Variants in HAPLN1 observed in about 807,000 individuals in gnomAD.
The protein encoded by HAPLN1 is hyaluronan and proteoglycan link protein 1.
In HAPLN1, 13 loss-of-function variants were observed where a neutral mutation model predicts 36.5. The ratio of observed to expected loss-of-function variants is 0.36; its 90% CI spans 0.23 to 0.57. The LOEUF is 0.57. HAPLN1 is among the 20% of genes least tolerant of loss of function. HAPLN1 has a pLI of 0.83. For synonymous variants in HAPLN1, 202 were observed against 169.8 expected, an observed-to-expected ratio of 1.19 and a Z score of -1.48; for missense variants, 407 against 439.7, an observed-to-expected ratio of 0.93 and a Z score of 0.66.
intron 2 of HAPLN1, among the ~76,000 whole-genome samples, chr5:83,661,211 T>G (rs969169112): frequency 5.9e-5 from 9 of 152,074 alleles, no homozygotes; most frequent in African/African-American, 1.9e-4. Context: ...TATATCTATA[T>G]CTATATCTAT....
At chr5:83,677,609 A>T (rs551525805) in intron 1 of HAPLN1, among the ~76,000 whole-genome samples, 12 of 152,286 alleles carry the variant, frequency 7.9e-5, no homozygotes, top group Middle Eastern at 3.4e-3. Flanking sequence ...AAACTGAGAA[A>T]AATCATAGAC....
intron 3 of HAPLN1, among the ~76,000 whole-genome samples, chr5:83,650,632 C>CTTTTTTT (rs5869195): frequency 1.9e-5 from 2 of 103,764 alleles, no homozygotes; most frequent in Non-Finnish European, 1.8e-5. Flanking sequence ...AAATTCTTTT[C>CTTTTTTT]TTTTTTTTTT....
At position 83,696,973 on chromosome 5, in the gene HAPLN1, C is replaced by A. The variant is rs539946044; in HGVS notation, c.-26-23424G>T. 4.1e-4 allele frequency among the ~76,000 whole-genome samples: 62 copies of A among 152,168 alleles called. No individual in the cohort carries two copies. The Middle Eastern group carries it at 0.017, about 42-fold the overall frequency. On this transcript the variant is annotated intron_variant, in intron 1 of 4. Coordinates refer to ENST00000274341, the MANE Select transcript of HAPLN1 (RefSeq NM_001884.4). ...TAGTACATTCCTCAAGTTGTGCAAC[C>A]ATTACCACTACCTGTTTCCAGAACA...
At chr5:83,696,711 T>A (rs970119414) in intron 1 of HAPLN1, among the ~76,000 whole-genome samples, 4 of 152,116 alleles carry the variant, frequency 2.6e-5, no homozygotes, top group Non-Finnish European at 4.4e-5. Flanking sequence ...TTTAAATATA[T>A]ACATTTGATA....
chr5:83,642,231 T>TA (rs576205674), intron 4 of HAPLN1, among the ~76,000 whole-genome samples: 7 of 151,570 alleles, frequency 4.6e-5, no homozygotes, highest in East Asian at 1.9e-4. Context: ...AAAGTCCATT[T>TA]AAAAAAAAAT....
At chr5:83,712,595 C>T (rs1379307413) in intron 1 of HAPLN1, among the ~76,000 whole-genome samples, 1 of 151,802 alleles carries the variant, frequency 6.6e-6, no homozygotes, top group African/African-American at 2.4e-5. Context: ...CTAGTAAAAT[C>T]TGTGACTTTT....
intron 1 of HAPLN1, among the ~76,000 whole-genome samples, chr5:83,687,552 C>T (rs1449785453): frequency 6.6e-6 from 1 of 152,198 alleles, no homozygotes; most frequent in African/African-American, 2.4e-5. Context: ...CTCTTTAAAT[C>T]TGAATCTCAG....
chr5:83,644,550 G>A lies in HAPLN1; in HGVS notation c.588C>T (p.Asp196=), dbSNP rs148966419. The change falls in exon 4 of 5, where the codon GAC becomes GAT. Residue 196 remains aspartate, a synonymous_variant. Coordinates refer to ENST00000274341, the MANE Select transcript of HAPLN1 (RefSeq NM_001884.4). ...AVIASFDQLY[D]AWRGGLDWCN... The stretch of plus-strand genomic sequence containing the variant: ...ACCAGTCCAGCCCGCCCCGCCAGGC[G>A]TCGTACAGCTGGTCGAAGGAGGCGA... 2.0e-3 allele frequency: 3,225 copies of A among 1,604,844 alleles called. 5 individuals are homozygous for A. Among genetic ancestry groups the A allele is most frequent in the Non-Finnish European group, 2.4e-3 (2,792 of 1,175,914 alleles).
At chr5:83,716,531 A>T (rs1204257698) in intron 1 of HAPLN1, among the ~76,000 whole-genome samples, 1 of 152,224 alleles carries the variant, frequency 6.6e-6, no homozygotes, top group East Asian at 1.9e-4. Flanking sequence ...GCTATCTCTG[A>T]GACACATAGC....
intron 1 of HAPLN1, among the ~76,000 whole-genome samples, chr5:83,699,899 G>C (rs1465473666): frequency 6.6e-6 from 1 of 152,068 alleles, no homozygotes; most frequent in Non-Finnish European, 1.5e-5. Context: ...CTGGTAAACT[G>C]AAACAATTGT....
intron 2 of HAPLN1, among the ~76,000 whole-genome samples, chr5:83,656,834 T>A (rs940509094): frequency 6.6e-6 from 1 of 152,110 alleles, no homozygotes; most frequent in Non-Finnish European, 1.5e-5. Flanking sequence ...CATCATTTAG[T>A]TTCACCAAAT....
At chr5:83,717,272 C>T (rs1223539841) in intron 1 of HAPLN1, among the ~76,000 whole-genome samples, 2 of 152,070 alleles carry the variant, frequency 1.3e-5, no homozygotes, top group Non-Finnish European at 2.9e-5. Flanking sequence ...ATGCTAATTC[C>T]AAACAGTACC....
intron 1 of HAPLN1, among the ~76,000 whole-genome samples, chr5:83,694,088 G>A (rs1396285441): frequency 1.3e-5 from 2 of 151,852 alleles, no homozygotes; most frequent in Admixed American, 6.6e-5. Flanking sequence ...ATTTACGTGA[G>A]GCAAAATATA....
At chr5:83,715,466 A>G (rs1751896453) in intron 1 of HAPLN1, among the ~76,000 whole-genome samples, 1 of 152,216 alleles carries the variant, frequency 6.6e-6, no homozygotes, top group South Asian at 2.1e-4. Context: ...GGCAAATTTT[A>G]CTAGTGATTC....
chr5:83,646,579 C>G (rs191546994), intron 3 of HAPLN1, among the ~76,000 whole-genome samples: 1 of 152,132 alleles, frequency 6.6e-6, no homozygotes, highest in Non-Finnish European at 1.5e-5. Flanking sequence ...AGGCAGAGAC[C>G]CAAGAAGGCT....
At chr5:83,680,136 G>T (rs1452469465) in intron 1 of HAPLN1, among the ~76,000 whole-genome samples, 1 of 152,174 alleles carries the variant, frequency 6.6e-6, no homozygotes, top group Non-Finnish European at 1.5e-5. Flanking sequence ...TAATCGAAGT[G>T]CATTTGCTCA....
chr5:83,654,031 T>G (rs756449781), intron 2 of HAPLN1, among the ~76,000 whole-genome samples: 1 of 152,224 alleles, frequency 6.6e-6, no homozygotes, highest in Non-Finnish European at 1.5e-5. Flanking sequence ...TTGCCATGAA[T>G]CATTTAAGAT....
chr5:83,652,811 G>C lies in HAPLN1; in HGVS notation c.114C>G (p.Pro38=), dbSNP rs542489423. ...CTTGCTCTGCTTCCACAAGTAGATG[G>C]GGGCCATTTTCTGCTATAATTAAAA... is the stretch of plus-strand genomic sequence containing the variant. ...RAIHIQAENG[P]HLLVEAEQAK... Residue 38 remains proline (P), a synonymous_variant, in exon 3 of 5, where the codon CCC becomes CCG. Transcript: ENST00000274341. 6.3e-7 allele frequency: 1 copy of C among 1,576,840 alleles called. No individual in the cohort carries two copies. Among genetic ancestry groups the C allele is most frequent in the East Asian group, 2.3e-5 (1 of 44,322 alleles).
chr5:83,657,917 T>C (rs931848579), intron 2 of HAPLN1, among the ~76,000 whole-genome samples: 6 of 152,192 alleles, frequency 3.9e-5, no homozygotes, highest in African/African-American at 2.4e-5. Flanking sequence ...TTGTCCATTG[T>C]GGTAAAATAT....
Sources: gnomAD v4.1 joint callset for allele counts (sites outside exome capture counted in the v4.1 genomes callset) on GRCh38, gnomAD v4.1.1 for gene constraint, MANE v1.5 for transcripts, NCBI Gene and HGNC (gene_info 2026-07-23, HGNC 2026-07-21) for gene names.